RANBP2: variants seen among roughly 807,000 people sequenced by gnomAD.
RANBP2 encodes RAN binding protein 2.
A neutral mutation model predicts 303.6 loss-of-function variants in RANBP2; 57 were observed. The observed-to-expected ratio is 0.19, with a 90% CI of 0.15 to 0.23. RANBP2 has a LOEUF of 0.23. Among genes scored for constraint, RANBP2 ranks in the 10% least tolerant of loss-of-function variants. RANBP2 has a pLI of 1.00. For missense variants in RANBP2, 3,138 were observed against 3,780.8 expected, an observed-to-expected ratio of 0.83 and a Z score of 4.46; for synonymous variants, 1,167 against 1,301.5, an observed-to-expected ratio of 0.90 and a Z score of 2.23.
chr2:109,570,615 C>G, the RANBP2 span, among the ~76,000 whole-genome samples: 1 of 133,700 alleles, frequency 7.5e-6, no homozygotes, highest in African/African-American at 2.7e-5. Context: ...ACCTCCGCCT[C>G]CCAAGTTCAA....
the RANBP2 span, among the ~76,000 whole-genome samples, chr2:108,980,521 T>G: frequency 6.6e-6 from 1 of 152,144 alleles, no homozygotes; most frequent in Non-Finnish European, 1.5e-5. Context: ...TATGTATATA[T>G]TTACATATAT....
the RANBP2 span, among the ~76,000 whole-genome samples, chr2:109,078,077 AATATATATAT>A: frequency 4.3e-3 from 202 of 47,374 alleles, 5 homozygotes; most frequent in East Asian, 0.015. Flanking sequence ...TTGACAGATG[AATATATATAT>A]ATATATATAT....
At chr2:109,486,159 C>G in the RANBP2 span, among the ~76,000 whole-genome samples, 5 of 152,360 alleles carry the variant, frequency 3.3e-5, no homozygotes, top group Non-Finnish European at 7.3e-5. Context: ...TGACATTACT[C>G]TTTGTCGTCT....
At chr2:108,852,443 A>G in the RANBP2 span, among the ~76,000 whole-genome samples, 6 of 152,228 alleles carry the variant, frequency 3.9e-5, no homozygotes, top group African/African-American at 9.7e-5. Context: ...ATAAGGACAC[A>G]TGCATGTGTT....
chr2:108,733,847 ATT>A, intron 4 of RANBP2, among the ~76,000 whole-genome samples: 1 of 146,336 alleles, frequency 6.8e-6, no homozygotes, highest in Admixed American at 6.8e-5. Flanking sequence ...CCTGTATCAG[ATT>A]TTTTTTTTTT....
intron 6 of RANBP2, among the ~76,000 whole-genome samples, chr2:108,738,322 G>A (rs1442509104): frequency 1.4e-5 from 2 of 147,672 alleles, no homozygotes; most frequent in African/African-American, 5.0e-5. Flanking sequence ...TGATCCGCCC[G>A]CCTCGGCCTC....
chr2:109,316,490 A>C, the RANBP2 span, among the ~76,000 whole-genome samples: 1 of 151,956 alleles, frequency 6.6e-6, no homozygotes, highest in South Asian at 2.1e-4. Context: ...AGCCCATGAC[A>C]TGGAGAGAAC....
chr2:108,864,464 A>G, the RANBP2 span, among the ~76,000 whole-genome samples: 12 of 152,160 alleles, frequency 7.9e-5, no homozygotes, highest in African/African-American at 2.9e-4. Flanking sequence ...GGAGTTTGAG[A>G]CCAGCCTGGG....
chr2:109,679,924 A>G, the RANBP2 span, among the ~76,000 whole-genome samples: 4 of 152,206 alleles, frequency 2.6e-5, no homozygotes, highest in Non-Finnish European at 5.9e-5. Context: ...GCAAATCGCC[A>G]GTGTGGACCA....
the RANBP2 span, among the ~76,000 whole-genome samples, chr2:109,169,638 G>T: frequency 2.6e-5 from 4 of 151,936 alleles, no homozygotes; most frequent in Admixed American, 2.6e-4. Flanking sequence ...GTTTAATAGG[G>T]TTGGGCAATG....
the RANBP2 span, among the ~76,000 whole-genome samples, chr2:109,338,738 A>T: frequency 1.3e-5 from 2 of 152,228 alleles, no homozygotes; most frequent in Admixed American, 1.3e-4. Context: ...GTGTATTTTT[A>T]GTAGAGATGG....
At chr2:109,711,462 A>G in the RANBP2 span, among the ~76,000 whole-genome samples, 3 of 152,262 alleles carry the variant, frequency 2.0e-5, no homozygotes, top group East Asian at 5.8e-4. Context: ...TTACAAAGTC[A>G]AATAAGCCAC....
At chr2:109,601,882 A>G in the RANBP2 span, among the ~76,000 whole-genome samples, 3 of 152,154 alleles carry the variant, frequency 2.0e-5, no homozygotes, top group Admixed American at 1.3e-4. Context: ...CTTTTTCCCA[A>G]TGTTGTTAGC....
the RANBP2 span, among the ~76,000 whole-genome samples, chr2:109,520,157 G>A: frequency 6.6e-6 from 1 of 152,234 alleles, no homozygotes; most frequent in African/African-American, 2.4e-5. Flanking sequence ...ATTTAGTGAA[G>A]GATATGTGGG....
chr2:108,796,978 T>G, the RANBP2 span, among the ~76,000 whole-genome samples: 1 of 152,220 alleles, frequency 6.6e-6, no homozygotes, highest in African/African-American at 2.4e-5. Flanking sequence ...TGTAATGTTC[T>G]CAACACAAAG....
the RANBP2 span, among the ~76,000 whole-genome samples, chr2:109,402,754 T>C: frequency 6.6e-6 from 1 of 152,230 alleles, no homozygotes; most frequent in African/African-American, 2.4e-5. Flanking sequence ...GGACCAGGAC[T>C]TCTGGGCCAT....
At chr2:108,915,193 T>C in the RANBP2 span, among the ~76,000 whole-genome samples, 1 of 152,202 alleles carries the variant, frequency 6.6e-6, no homozygotes, top group African/African-American at 2.4e-5. Context: ...TGTGAGCCTG[T>C]AATCCATGCC....
the RANBP2 span, among the ~76,000 whole-genome samples, chr2:109,382,730 GAT>G: frequency 2.6e-5 from 4 of 152,342 alleles, no homozygotes; most frequent in South Asian, 8.3e-4. Flanking sequence ...CCTGGCGAGA[GAT>G]GCAGCCAAGC....
At chr2:109,703,688 A>G in the RANBP2 span, among the ~76,000 whole-genome samples, 1 of 152,088 alleles carries the variant, frequency 6.6e-6, no homozygotes, top group African/African-American at 2.4e-5. Flanking sequence ...CTCGGCCTCC[A>G]AAAGTACTGG....
Sources: allele counts gnomAD v4.1 joint callset (sites outside exome capture counted in the v4.1 genomes callset), GRCh38; gene constraint gnomAD v4.1.1; transcripts MANE v1.5; gene names NCBI Gene and HGNC (gene_info 2026-07-23, HGNC 2026-07-21).